The following AP1AR variants were observed in gnomAD, a reference collection of about 807,000 sequenced individuals.
AP1AR encodes the protein AP-1 complex-associated regulatory protein.
In AP1AR, 29 loss-of-function variants were observed where a neutral mutation model predicts 46.3. The observed-to-expected ratio is 0.63, with a 90% CI of 0.47 to 0.85. AP1AR has a LOEUF of 0.85. AP1AR is among the 40% of genes least tolerant of loss of function. The probability of loss-of-function intolerance (pLI) is 0.00; values close to 1 mark genes in which losing one functional copy is unlikely to be tolerated. For synonymous variants in AP1AR, 122 were observed against 122.9 expected, an observed-to-expected ratio of 0.99 and a Z score of 0.05; for missense variants, 357 against 356.3, an observed-to-expected ratio of 1.00 and a Z score of -0.02.
chr4:112,248,726 T>C (rs1219525297), intron 1 of AP1AR, among the ~76,000 whole-genome samples: 2 of 152,214 alleles, frequency 1.3e-5, no homozygotes, highest in Non-Finnish European at 2.9e-5. Flanking sequence ...TATTAAAATC[T>C]AAAACTCTTC....
intron 1 of AP1AR, among the ~76,000 whole-genome samples, chr4:112,238,922 A>G (rs1344124953): frequency 1.3e-5 from 2 of 152,064 alleles, no homozygotes; most frequent in Non-Finnish European, 2.9e-5. Context: ...AGCCTTTTCT[A>G]CTACTTCGTT....
At position 112,232,124 on chromosome 4, in the gene AP1AR, A is replaced by C. The variant is rs368298902; in HGVS notation, c.33A>C (p.Gly11=). 2.2e-5 allele frequency: 29 copies of C among 1,293,528 alleles called. No homozygotes were observed. Among genetic ancestry groups the C allele is most frequent in the Non-Finnish European group, 2.7e-5 (27 of 1,012,798 alleles). The allele number at this position is 1,293,528 out of a possible 1,614,324, so 80.1% of individuals were successfully genotyped here. ...ACTGCTGCTGGACGCAGTGCTTCGG[A>C]CTGCTTCGCAAGGAAGCGGGGCGGC... The part of the protein sequence containing the change: MGNCCWTQCF[G]LLRKEAGRLQ... Residue 11 remains glycine (G), a synonymous_variant, in exon 1 of 10, where the codon GGA becomes GGC. Coordinates refer to ENST00000274000, the MANE Select transcript of AP1AR (RefSeq NM_018569.6).
chr4:112,244,976 A>G (rs182151723), intron 1 of AP1AR, among the ~76,000 whole-genome samples: 125 of 152,308 alleles, frequency 8.2e-4, no homozygotes, highest in African/African-American at 2.5e-3. Flanking sequence ...TTCTGTACCA[A>G]TTTACACTAT....
chr4:112,241,670 C>T (rs185634549), intron 1 of AP1AR, among the ~76,000 whole-genome samples: 249 of 152,318 alleles, frequency 1.6e-3, no homozygotes, highest in African/African-American at 5.2e-3. Context: ...AGCCAGATAT[C>T]TGGGCATCTG....
intron 5 of AP1AR, 145 bp from the exon 6 acceptor site, chr4:112,262,843 A>T: frequency 1.6e-6 from 1 of 625,642 alleles, no homozygotes; most frequent in Non-Finnish European, 2.8e-6. Flanking sequence ...AAACAATTGC[A>T]AACATTTCAA....
intron 6 of AP1AR, 45 bp downstream of exon 6, chr4:112,263,131 T>C: frequency 6.9e-7 from 1 of 1,456,024 alleles, no homozygotes; most frequent in Non-Finnish European, 9.4e-7. Flanking sequence ...GCTTTTCTCC[T>C]TATTTTCTCT....
intron 2 of AP1AR, among the ~76,000 whole-genome samples, chr4:112,254,296 A>G (rs1417327507): frequency 6.6e-6 from 1 of 152,222 alleles, no homozygotes; most frequent in Non-Finnish European, 1.5e-5. Flanking sequence ...AAATAACTAT[A>G]TGAATGAATA....
rs1726618293 is a variant in AP1AR at position 112,265,053 on chromosome 4, T to A, written c.426T>A (p.Asn142Lys). The change falls in exon 7 of 10, where the codon AAT becomes AAA. Residue 142 changes from asparagine (N) to lysine (K), a missense_variant. Asn to Lys is a moderately conservative substitution (Grantham distance 94). Coordinates refer to ENST00000274000, the MANE Select transcript of AP1AR (RefSeq NM_018569.6). ...RIVQQYHPSN[N>K]GEYQSSGPED... ...TGCAGCAATATCATCCTTCCAACAA[T>A]GGAGAATATCAAAGGTAAATAGTGA... is the stretch of plus-strand genomic sequence containing the variant. 1.2e-6 allele frequency: 2 copies of A among 1,602,668 alleles called. No homozygotes were observed. Among genetic ancestry groups the A allele is most frequent in the South Asian group, 2.3e-5 (2 of 88,246 alleles).
chr4:112,257,930 CT>C, intron 4 of AP1AR, 133 bp downstream of exon 4: 1 of 702,504 alleles, frequency 1.4e-6, no homozygotes, highest in Non-Finnish European at 2.2e-6. Flanking sequence ...TCAGATTTTT[CT>C]TTTTATAAGA....
intron 6 of AP1AR, 93 bp from the exon 7 acceptor site, chr4:112,264,916 T>C (rs1726609583): frequency 2.1e-6 from 2 of 940,830 alleles, no homozygotes; most frequent in African/African-American, 1.7e-5. Context: ...TTTTAGAAAC[T>C]AGAAAAAAAT....
At position 112,268,983 on chromosome 4, in the gene AP1AR, A is replaced by G. The variant is rs1157072370; in HGVS notation, c.*574A>G. ...ATCGGCATTACATGTGTTTATTTAC[A>G]TGTCCTAGTATGATAATGTTGATTC... is the stretch of plus-strand genomic sequence containing the variant. On this transcript the variant is annotated 3_prime_UTR_variant, in exon 10 of 10. Coordinates refer to ENST00000274000, the MANE Select transcript of AP1AR (RefSeq NM_018569.6). 4 of 151,770 alleles carry G rather than the reference A, an allele frequency of 2.6e-5. No individual in the cohort carries two copies. The highest frequency in any genetic ancestry group is 5.9e-5 in the Non-Finnish European group (4 of 67,810). 9.4% of individuals were successfully genotyped at this position (151,770 alleles called of 1,614,324 possible). A position where few individuals can be genotyped will look rare whatever the true frequency, so the allele number is the denominator to read the frequency against.
chr4:112,268,161 C>G lies in AP1AR; in HGVS notation c.661C>G (p.Pro221Ala), dbSNP rs1339251604. The change falls in exon 10 of 10, where the codon CCA (proline) becomes GCA (alanine). Residue 221 changes from proline (P) to alanine (A), a missense_variant. Transcript: ENST00000274000. Reference sequence around the variant, plus strand: ...AATCATAGGAATGAATAGAATGCTTCCAATGAGAGAACGTTCCAAAACAGA... The same window carrying G: ...AATCATAGGAATGAATAGAATGCTTGCAATGAGAGAACGTTCCAAAACAGA... Reference protein sequence around the residue: ...EDEEGMNRMLPMRERSKTEED... With the variant: ...EDEEGMNRMLAMRERSKTEED... 6.3e-7 allele frequency: 1 copy of G among 1,575,110 alleles called. No homozygotes were observed. Among genetic ancestry groups the G allele is most frequent in the South Asian group, 1.2e-5 (1 of 84,558 alleles).
intron 5 of AP1AR, among the ~76,000 whole-genome samples, 167 bp from the exon 6 acceptor site, chr4:112,262,821 A>G (rs1368986968): frequency 6.6e-6 from 1 of 152,250 alleles, no homozygotes; most frequent in African/African-American, 2.4e-5. Flanking sequence ...TATTTTGTAA[A>G]AGAAAAAATT....
At chr4:112,241,874 A>G (rs561735391) in intron 1 of AP1AR, among the ~76,000 whole-genome samples, 92 of 152,292 alleles carry the variant, frequency 6.0e-4, no homozygotes, top group Middle Eastern at 6.8e-3. Flanking sequence ...TTAGATTTAT[A>G]ATCTTTCCAG....
chr4:112,242,278 C>T (rs1725531913), intron 1 of AP1AR, among the ~76,000 whole-genome samples: 1 of 152,118 alleles, frequency 6.6e-6, no homozygotes, highest in South Asian at 2.1e-4. Flanking sequence ...TTTTGTACCA[C>T]GTTAGTTTCA....
At chr4:112,236,062 A>G (rs1481847828) in intron 1 of AP1AR, among the ~76,000 whole-genome samples, 1 of 151,660 alleles carries the variant, frequency 6.6e-6, no homozygotes, top group Non-Finnish European at 1.5e-5. Flanking sequence ...GATTTCAACC[A>G]CCACTACTTC....
intron 1 of AP1AR, among the ~76,000 whole-genome samples, chr4:112,238,296 T>G (rs974962950): frequency 3.9e-5 from 6 of 152,238 alleles, no homozygotes; most frequent in Non-Finnish European, 7.3e-5. Context: ...TCTCCTATCC[T>G]TCATTTTTTT....
Position 112,231,995 on chromosome 4 carries a change from C to CGAG in AP1AR, c.-97_-96insGAG, listed in dbSNP as rs1725021766. On this transcript the variant is annotated 5_prime_UTR_variant, in exon 1 of 10. Coordinates refer to ENST00000274000, the MANE Select transcript of AP1AR (RefSeq NM_018569.6). ...CCGGCCCGCCCTCGGTCCTTGAACCCCATTTCGGCTCGTGCCGTGCGGATG... is the reference window on the plus strand; with the variant it reads ...CCGGCCCGCCCTCGGTCCTTGAACCCGAGCATTTCGGCTCGTGCCGTGCGGATG... The CGAG allele has an allele frequency of 1.7e-6, 2 of 1,173,760 alleles. No homozygotes were observed. Among genetic ancestry groups the CGAG allele is most frequent in the South Asian group, 5.1e-5 (2 of 39,186 alleles). 72.7% of individuals were successfully genotyped at this position (1,173,760 alleles called of 1,614,324 possible).
chr4:112,266,760 C>T, intron 9 of AP1AR, 44 bp downstream of exon 9: 1 of 1,557,542 alleles, frequency 6.4e-7, no homozygotes, highest in Non-Finnish European at 8.7e-7. Flanking sequence ...TTAACGTAAT[C>T]TGTGTTGATT....
Sources: allele counts gnomAD v4.1 joint callset (sites outside exome capture counted in the v4.1 genomes callset), GRCh38; gene constraint gnomAD v4.1.1; transcripts MANE v1.5; gene names NCBI Gene and HGNC (gene_info 2026-07-23, HGNC 2026-07-21).